Variants in TRABD2B observed in about 807,000 individuals in gnomAD.
The protein encoded by TRABD2B is metalloprotease TIKI2.
A neutral mutation model predicts 40.1 loss-of-function variants in TRABD2B; 14 were observed. The observed-to-expected ratio is 0.35, with a 90% CI of 0.23 to 0.55. The LOEUF (loss-of-function observed/expected upper bound fraction) is 0.55. Ranked by LOEUF, TRABD2B falls within the 20% of genes least tolerant of loss-of-function variation. TRABD2B has a pLI of 0.90. For synonymous variants in TRABD2B, 263 were observed against 277.0 expected, an observed-to-expected ratio of 0.95 and a Z score of 0.50; for missense variants, 541 against 648.6, an observed-to-expected ratio of 0.83 and a Z score of 1.80.
chr1:47,929,185 C>A (rs536139163), intron 2 of TRABD2B, among the ~76,000 whole-genome samples: 15 of 152,216 alleles, frequency 9.9e-5, no homozygotes, highest in South Asian at 2.1e-4. Context: ...GCAAGCAAGG[C>A]ACCTGGAGCA....
chr1:47,801,560 C>A lies in TRABD2B; in HGVS notation c.726G>T (p.Leu242=), dbSNP rs1056927564. The stretch of plus-strand genomic sequence containing the variant: ...GGTCCTCCGTGGTGTAGGAGGCCTG[C>A]AGGCTCCCGGCCCGCACACTCTCCT... The part of the protein sequence containing the change: ...LQQESVRAGS[L]QASYTTEDLI... Residue 242 remains leucine, a synonymous_variant, in exon 3 of 7, where the codon CTG becomes CTT. Coordinates refer to ENST00000606738, the MANE Select transcript of TRABD2B (RefSeq NM_001194986.2). 6.5e-7 allele frequency: 1 copy of A among 1,536,048 alleles called. No individual in the cohort carries two copies. The highest frequency in any genetic ancestry group is 8.7e-7 in the Non-Finnish European group (1 of 1,146,866).
rs116046071 is a variant in TRABD2B at position 47,914,611 on chromosome 1, C to T, written c.666+79423G>A. Among the ~76,000 whole-genome samples, 1,276 of 152,320 alleles carry T rather than the reference C, an allele frequency of 8.4e-3. 13 individuals carry two copies. Among genetic ancestry groups the T allele is most frequent in the Middle Eastern group, 0.034 (10 of 294 alleles). ...GGTACACAAGGAGTGGCTTCCAATA[C>T]AAATAGAGAAGACTACGCCAGCGCC... On this transcript the variant is annotated intron_variant, in intron 2 of 6. Coordinates refer to ENST00000606738, the MANE Select transcript of TRABD2B (RefSeq NM_001194986.2).
intron 2 of TRABD2B, among the ~76,000 whole-genome samples, chr1:47,802,858 TCAAAACG>T (rs1362723004): frequency 1.8e-4 from 28 of 152,258 alleles, no homozygotes; most frequent in African/African-American, 6.7e-4. Flanking sequence ...TCTCTTTTGC[TCAAAACG>T]TTCACAGGTC....
At chr1:47,828,789 G>T (rs1645211272) in intron 2 of TRABD2B, among the ~76,000 whole-genome samples, 1 of 152,166 alleles carries the variant, frequency 6.6e-6, no homozygotes. Context: ...CTAGAAAGTG[G>T]AGCCCTTAAA....
chr1:47,897,829 G>A (rs1369518717), intron 2 of TRABD2B, among the ~76,000 whole-genome samples: 1 of 152,150 alleles, frequency 6.6e-6, no homozygotes, highest in Non-Finnish European at 1.5e-5. Flanking sequence ...TCTTAAGCTG[G>A]AACTGACCAT....
At position 47,781,136 on chromosome 1, in the gene TRABD2B, C is replaced by T. The variant is rs75103710; in HGVS notation, c.989-2592G>A. 1.6e-3 allele frequency among the ~76,000 whole-genome samples: 248 copies of T among 152,250 alleles called. 2 individuals are homozygous for T. In the East Asian group the frequency reaches 0.018, roughly 11 times the overall value. ...ACAGCACCATAAAGCTGGAAAGGGA[C>T]GGGAAGAGGCAGCCTCCAGCACGCA... On this transcript the variant is annotated intron_variant, in intron 4 of 6. Coordinates refer to ENST00000606738, the MANE Select transcript of TRABD2B (RefSeq NM_001194986.2).
intron 2 of TRABD2B, among the ~76,000 whole-genome samples, chr1:47,925,214 G>C (rs1644953956): frequency 6.6e-6 from 1 of 151,942 alleles, no homozygotes; most frequent in Non-Finnish European, 1.5e-5. Flanking sequence ...CCATCCTCTG[G>C]TGTCCTTACA....
At chr1:47,981,500 G>A (rs752132222) in intron 2 of TRABD2B, among the ~76,000 whole-genome samples, 3 of 152,116 alleles carry the variant, frequency 2.0e-5, no homozygotes, top group Non-Finnish European at 2.9e-5. Flanking sequence ...ACTGCCATGA[G>A]GATTAAGTGG....
chr1:47,800,905 A>C (rs1377443238), intron 3 of TRABD2B, among the ~76,000 whole-genome samples: 1 of 152,174 alleles, frequency 6.6e-6, no homozygotes, highest in African/African-American at 2.4e-5. Flanking sequence ...GGGCTGTGAC[A>C]AGGCCAGCAG....
At chr1:47,903,183 G>A (rs1034630844) in intron 2 of TRABD2B, among the ~76,000 whole-genome samples, 1 of 152,146 alleles carries the variant, frequency 6.6e-6, no homozygotes, top group Non-Finnish European at 1.5e-5. Context: ...TCAGCTTCTA[G>A]ACTGGTGACA....
chr1:47,895,550 G>A (rs544956359), intron 2 of TRABD2B, among the ~76,000 whole-genome samples: 4 of 152,288 alleles, frequency 2.6e-5, no homozygotes, highest in South Asian at 4.1e-4. Context: ...AGGACCAGGT[G>A]TTTTACTCGG....
intron 2 of TRABD2B, among the ~76,000 whole-genome samples, chr1:47,925,401 C>T (rs926019056): frequency 2.0e-5 from 3 of 151,532 alleles, no homozygotes; most frequent in African/African-American, 7.3e-5. Flanking sequence ...AAAATAATTC[C>T]GATTAAGATT....
chr1:47,898,859 G>A (rs968417916), intron 2 of TRABD2B, among the ~76,000 whole-genome samples: 4 of 149,872 alleles, frequency 2.7e-5, no homozygotes, highest in Non-Finnish European at 5.9e-5. Context: ...TGGCTTCAAG[G>A]GTTTTGGAAG....
At chr1:47,773,263 CCTGCCACTGACGAAAGTGG>C (rs1159565385) in intron 6 of TRABD2B, among the ~76,000 whole-genome samples, 84 of 152,362 alleles carry the variant, frequency 5.5e-4, no homozygotes, top group African/African-American at 1.9e-3. Flanking sequence ...GCAAACCCTC[CCTGCCACTGACGAAAGTGG>C]CTCTCAGTAA....
intron 2 of TRABD2B, among the ~76,000 whole-genome samples, chr1:47,991,751 A>G (rs1388345354): frequency 1.3e-5 from 2 of 152,224 alleles, no homozygotes; most frequent in Non-Finnish European, 2.9e-5. Flanking sequence ...ATATTTTGCA[A>G]TAACAGTAAT....
chr1:47,905,653 A>G (rs1644666292), intron 2 of TRABD2B, among the ~76,000 whole-genome samples: 1 of 152,062 alleles, frequency 6.6e-6, no homozygotes, highest in Non-Finnish European at 1.5e-5. Context: ...AACTCTCTTG[A>G]CATTCTCCTT....
At position 47,775,321 on chromosome 1, in the gene TRABD2B, C is replaced by T. The variant is rs569339407; in HGVS notation, c.1198G>A (p.Asp400Asn). Reference sequence around the variant, plus strand: ...TGTGGGGACAGGGCTGGATCCTCATCCTCTGGTGGGGCGGTGGGGGTCACA... The same window carrying T: ...TGTGGGGACAGGGCTGGATCCTCATTCTCTGGTGGGGCGGTGGGGGTCACA... ...PSVTPTAPPE[D>N]EDPALSPHLL... The change falls in exon 6 of 7, where the codon GAT becomes AAT. Residue 400 changes from aspartate (D) to asparagine (N), a missense_variant. Asp to Asn is a conservative substitution (Grantham distance 23). Around this residue, in one of 2 missense-constraint regions of TRABD2B, gnomAD observed 172 missense variants for 155.8 expected, o/e 1.10. Coordinates refer to ENST00000606738, the MANE Select transcript of TRABD2B (RefSeq NM_001194986.2). 2.0e-4 allele frequency: 247 copies of T among 1,246,028 alleles called. No individual in the cohort carries two copies. In the Middle Eastern group the frequency reaches 2.4e-3, roughly 12 times the overall value. 77.2% of individuals were successfully genotyped at this position (1,246,028 alleles called of 1,614,324 possible). A position where few individuals can be genotyped will look rare whatever the true frequency, so the allele number is the denominator to read the frequency against.
chr1:47,861,372 C>A (rs886096297), intron 2 of TRABD2B, among the ~76,000 whole-genome samples: 3 of 152,020 alleles, frequency 2.0e-5, no homozygotes, highest in African/African-American at 4.8e-5. Flanking sequence ...CAGCACCCCC[C>A]ACCCTGCAAC....
chr1:47,794,744 T>C lies in TRABD2B; in HGVS notation c.830A>G (p.Asn277Ser). 1 of 1,531,748 alleles carries C rather than the reference T, an allele frequency of 6.5e-7. No individual in the cohort carries two copies. The highest frequency in any genetic ancestry group is 8.7e-7 in the Non-Finnish European group (1 of 1,144,856). 94.9% of individuals were successfully genotyped at this position (1,531,748 alleles called of 1,614,324 possible). A position where few individuals can be genotyped will look rare whatever the true frequency, so the allele number is the denominator to read the frequency against. ...HDTSQLPNFI[N>S]TTLPPHEQVT... ...CTGCTCGTGTGGCGGGAGGGTGGTG[T>C]TGATAAAGTTGGGCAGCTGCAAAGG... Residue 277 changes from asparagine (N) to serine (S), a missense_variant, in exon 4 of 7, where the codon AAC becomes AGC. By Grantham distance (46) the Asn-to-Ser change is conservative. Transcript: ENST00000606738.
Sources: gnomAD v4.1 joint callset for allele counts (sites outside exome capture counted in the v4.1 genomes callset) on GRCh38, gnomAD v4.1.1 for gene constraint, gnomAD v4.1.1 regional missense constraint, MANE v1.5 for transcripts, NCBI Gene and HGNC (gene_info 2026-07-23, HGNC 2026-07-21) for gene names.